FMNL2: variants seen among roughly 807,000 people sequenced by gnomAD.
FMNL2 encodes the protein formin-like protein 2.
Under a neutral mutation model 130.2 loss-of-function variants are expected in FMNL2, and 51 were observed. The observed-to-expected ratio is 0.39, with a 90% CI of 0.31 to 0.49. The LOEUF is 0.49. Ranked by LOEUF, FMNL2 falls within the 20% of genes least tolerant of loss-of-function variation. The probability of loss-of-function intolerance (pLI) is 0.85; values close to 1 mark genes in which losing one functional copy is unlikely to be tolerated. For missense variants in FMNL2, 977 were observed against 1,316.2 expected (o/e 0.74, Z 3.99); for synonymous variants, 465 against 467.1 (o/e 1.00, Z 0.06).
intron 9 of FMNL2, among the ~76,000 whole-genome samples, chr2:152,596,938 A>G (rs934362919): frequency 6.6e-6 from 1 of 152,242 alleles, no homozygotes; most frequent in Admixed American, 6.5e-5. Flanking sequence ...CTTTTTCCAT[A>G]CTGTTGCATT....
At chr2:152,395,397 C>A (rs537787524) in intron 1 of FMNL2, among the ~76,000 whole-genome samples, 1 of 152,304 alleles carries the variant, frequency 6.6e-6, no homozygotes, top group African/African-American at 2.4e-5. Context: ...AAACTTCATT[C>A]CAAGGGACAT....
chr2:152,474,337 A>G (rs1035185245), intron 1 of FMNL2, among the ~76,000 whole-genome samples: 4 of 152,226 alleles, frequency 2.6e-5, no homozygotes, highest in African/African-American at 9.7e-5. Flanking sequence ...TTACCTCTAA[A>G]TGTAAAGCTT....
intron 2 of FMNL2, among the ~76,000 whole-genome samples, chr2:152,525,796 C>T (rs1039131554): frequency 5.3e-5 from 8 of 152,174 alleles, no homozygotes; most frequent in Admixed American, 5.2e-4. Flanking sequence ...TGCTGCCACT[C>T]AGCCGGAGCA....
Position 152,589,965 on chromosome 2 carries a change from A to ATG in FMNL2, c.876+8917_876+8918insGT, listed in dbSNP as rs1189508562. ...CATATATATATATATATATATATATATATATATATATATATATATGTATAT... is the reference window on the plus strand; with the variant it reads ...CATATATATATATATATATATATATATGTATATATATATATATATATGTATAT... On this transcript the variant is annotated intron_variant, in intron 9 of 25. Transcript: ENST00000288670. Among the ~76,000 whole-genome samples, 98 of 48,612 alleles carry ATG rather than the reference A, an allele frequency of 2.0e-3. 2 individuals are homozygous for ATG. The South Asian group carries it at 0.022, about 11-fold the overall frequency. 31.9% of individuals were successfully genotyped at this position (48,612 alleles called of 152,430 possible). A position where few individuals can be genotyped will look rare whatever the true frequency, so the allele number is the denominator to read the frequency against.
At chr2:152,560,497 A>C (rs1695463724) in intron 5 of FMNL2, among the ~76,000 whole-genome samples, 1 of 152,218 alleles carries the variant, frequency 6.6e-6, no homozygotes, top group African/African-American at 2.4e-5. Context: ...GGTAGGAATA[A>C]ATTAGTATAA....
chr2:152,459,804 C>A (rs1226502201), intron 1 of FMNL2, among the ~76,000 whole-genome samples: 2 of 152,038 alleles, frequency 1.3e-5, no homozygotes, highest in Non-Finnish European at 2.9e-5. Context: ...TGAAATATAT[C>A]TCAACAAAGC....
At chr2:152,415,639 T>TC (rs1686569883) in intron 1 of FMNL2, among the ~76,000 whole-genome samples, 1 of 149,042 alleles carries the variant, frequency 6.7e-6, no homozygotes. Context: ...GAGAATTTTT[T>TC]CCCCCCTCTG....
chr2:152,631,959 T>C, intron 20 of FMNL2, 49 bp from the exon 21 acceptor site: 1 of 1,570,348 alleles, frequency 6.4e-7, no homozygotes, highest in South Asian at 1.2e-5. Flanking sequence ...GGTAAGTGTC[T>C]TGTTACCCTT....
intron 1 of FMNL2, among the ~76,000 whole-genome samples, chr2:152,391,475 G>A (rs888473966): frequency 1.3e-5 from 2 of 152,108 alleles, no homozygotes; most frequent in African/African-American, 4.8e-5. Flanking sequence ...AATGTGTCTT[G>A]TGTATCTGGC....
intron 2 of FMNL2, among the ~76,000 whole-genome samples, chr2:152,536,194 G>T (rs2678298): frequency 1.3e-5 from 2 of 152,124 alleles, no homozygotes; most frequent in Admixed American, 6.5e-5. Context: ...GGCCTCTTCC[G>T]TGTTGGATAA....
chr2:152,364,468 C>T (rs937637813), intron 1 of FMNL2, among the ~76,000 whole-genome samples: 3 of 151,978 alleles, frequency 2.0e-5, no homozygotes, highest in African/African-American at 4.8e-5. Context: ...ATGATATTAG[C>T]CAGAGAACCA....
intron 1 of FMNL2, among the ~76,000 whole-genome samples, chr2:152,384,554 C>T (rs1684677721): frequency 1.3e-5 from 2 of 152,108 alleles, no homozygotes; most frequent in Admixed American, 1.3e-4. Flanking sequence ...ATTGGTTTCC[C>T]AGGACAGAAG....
rs573747287 is a variant in FMNL2 at position 152,544,300 on chromosome 2, C to A, written c.282+1481C>A. The stretch of plus-strand genomic sequence containing the variant: ...GCAGGCACCTGTAATCCCAGCTACT[C>A]GGGAGGCTGAGGTAGGAGAATCGCT... On this transcript the variant is annotated intron_variant, in intron 3 of 25. Transcript: ENST00000288670. Among the ~76,000 whole-genome samples, 7 of 152,124 alleles carry A rather than the reference C, an allele frequency of 4.6e-5. No individual in the cohort carries two copies. The South Asian group carries it at 1.5e-3, about 32-fold the overall frequency.
chr2:152,537,946 T>C (rs1694086570), intron 2 of FMNL2, among the ~76,000 whole-genome samples: 1 of 152,138 alleles, frequency 6.6e-6, no homozygotes, highest in Non-Finnish European at 1.5e-5. Flanking sequence ...TCTTTAAGCC[T>C]CAGTTCCCTC....
At chr2:152,539,367 C>A in intron 2 of FMNL2, 1 of 161,474 alleles carries the variant, frequency 6.2e-6, no homozygotes, top group South Asian at 1.7e-4. Context: ...GAGTGAACTT[C>A]AGAACCTTCT....
At chr2:152,509,984 A>G (rs1692407782) in intron 1 of FMNL2, among the ~76,000 whole-genome samples, 2 of 151,954 alleles carry the variant, frequency 1.3e-5, no homozygotes, top group East Asian at 1.9e-4. Flanking sequence ...CCTGGGCCCA[A>G]ATGATCCTCC....
At chr2:152,458,198 A>G (rs1291975702) in intron 1 of FMNL2, among the ~76,000 whole-genome samples, 1 of 152,172 alleles carries the variant, frequency 6.6e-6, no homozygotes, top group Non-Finnish European at 1.5e-5. Context: ...ACCCAGTTGA[A>G]TGGGCCTCTA....
chr2:152,391,651 A>G (rs1054279665), intron 1 of FMNL2, among the ~76,000 whole-genome samples: 1 of 151,652 alleles, frequency 6.6e-6, no homozygotes, highest in African/African-American at 2.4e-5. Context: ...TGAGACACCG[A>G]CTTTCCCATA....
chr2:152,635,724 G>A lies in FMNL2; in HGVS notation c.2681-703G>A, dbSNP rs149953283. On this transcript the variant is annotated intron_variant, in intron 21 of 25. Coordinates refer to ENST00000288670, the MANE Select transcript of FMNL2 (RefSeq NM_052905.4). ...GAGGCTGTGGGGGAGTGCCTGCCCC[G>A]GGAGGGGCCACACTGCAGACAGAAA... is the stretch of plus-strand genomic sequence containing the variant. Among the ~76,000 whole-genome samples, 696 of 152,296 alleles carry A rather than the reference G, an allele frequency of 4.6e-3. 3 individuals are homozygous for A. The highest frequency in any genetic ancestry group is 0.016 in the African/African-American group (673 of 41,568).
Sources: allele counts gnomAD v4.1 joint callset (sites outside exome capture counted in the v4.1 genomes callset), GRCh38; gene constraint gnomAD v4.1.1; transcripts MANE v1.5; gene names NCBI Gene and HGNC (gene_info 2026-07-23, HGNC 2026-07-21).